The following GPR139 variants were observed in gnomAD, a reference collection of about 807,000 sequenced individuals.
The protein encoded by GPR139 is probable G protein-coupled receptor 139.
Under a neutral mutation model 25.8 loss-of-function variants are expected in GPR139, and 12 were observed. That is an observed-to-expected ratio of 0.47 (90% CI 0.30 to 0.75). GPR139 has a LOEUF of 0.75. Ranked by LOEUF, GPR139 falls within the 30% of genes least tolerant of loss-of-function variation. The probability of loss-of-function intolerance (pLI) is 0.07; values close to 1 mark genes in which losing one functional copy is unlikely to be tolerated. For synonymous variants in GPR139, 184 were observed against 179.9 expected (o/e 1.02, Z -0.18); for missense variants, 380 against 450.2 (o/e 0.84, Z 1.41).
At position 20,032,399 on chromosome 16, in the gene GPR139, G is replaced by C. The variant is rs759836680; in HGVS notation, c.398C>G (p.Pro133Arg). The change falls in exon 2 of 2, where the codon CCG becomes CGG. Residue 133 changes from proline (P) to arginine (R), a missense_variant. By Grantham distance (103) the Pro-to-Arg change is moderately radical. Transcript: ENST00000570682. ...TIDRYIAVCH[P>R]LKYHTVSYPA... is the part of the protein sequence containing the mutation. ...GTATGAGACCGTGTGGTACTTGAGC[G>C]GGTGGCAGACAGCGATATACCTGTC... 2 of 1,614,054 alleles carry C rather than the reference G, an allele frequency of 1.2e-6. No individual in the cohort carries two copies. Among genetic ancestry groups the C allele is most frequent in the Non-Finnish European group, 1.7e-6 (2 of 1,180,032 alleles).
intron 1 of GPR139, among the ~76,000 whole-genome samples, chr16:20,059,099 C>A (rs1308453494): frequency 6.6e-6 from 1 of 152,120 alleles, no homozygotes; most frequent in Non-Finnish European, 1.5e-5. Flanking sequence ...CTATTGGGTG[C>A]CAGGCCCTGT....
intron 1 of GPR139, among the ~76,000 whole-genome samples, chr16:20,047,772 G>T (rs577130652): frequency 6.6e-6 from 1 of 152,280 alleles, no homozygotes; most frequent in East Asian, 1.9e-4. Context: ...GAGCCAGATT[G>T]CTGGGTTTCA....
At position 20,031,427 on chromosome 16, in the gene GPR139, C is replaced by T. The variant is rs1381659918; in HGVS notation, c.*308G>A. ...GATGGTACCAGGGCGAAATCACAGA[C>T]TACTTCTCTACTTTGTGTCCTAACT... On this transcript the variant is annotated 3_prime_UTR_variant, in exon 2 of 2. Transcript: ENST00000570682. 1.1e-5 allele frequency: 4 copies of T among 362,182 alleles called. No individual in the cohort carries two copies. In the East Asian group the frequency reaches 2.2e-4, roughly 20 times the overall value. The allele number at this position is 362,182 out of a possible 1,614,324, so 22.4% of individuals were successfully genotyped here.
chr16:20,032,642 G>A lies in GPR139; in HGVS notation c.155C>T (p.Ser52Phe), dbSNP rs2057295150. 2 of 1,609,164 alleles carry A rather than the reference G, an allele frequency of 1.2e-6. No individual in the cohort carries two copies. The highest frequency in any genetic ancestry group is 1.7e-6 in the Non-Finnish European group (2 of 1,175,830). ...CTTCTGTCTTCTTGCCACCAGCTGG[G>A]AGAGGATGATCACTGTCAAGATATT... is the stretch of plus-strand genomic sequence containing the variant. Reference protein sequence around the residue: ...PANILTVIILSQLVARRQKSS... With the variant: ...PANILTVIILFQLVARRQKSS... Residue 52 changes from serine to phenylalanine, a missense_variant, in exon 2 of 2, where the codon TCC becomes TTC. Ser to Phe is a radical substitution (Grantham distance 155). Transcript: ENST00000570682.
chr16:20,055,090 C>T (rs552672380), intron 1 of GPR139, among the ~76,000 whole-genome samples: 1 of 152,010 alleles, frequency 6.6e-6, no homozygotes, highest in South Asian at 2.1e-4. Flanking sequence ...TTTCTGATCC[C>T]CTACCTCCTC....
At chr16:20,038,567 A>G (rs2057319500) in intron 1 of GPR139, among the ~76,000 whole-genome samples, 1 of 152,156 alleles carries the variant, frequency 6.6e-6, no homozygotes, top group Admixed American at 6.5e-5. Flanking sequence ...TTAAGTTTCT[A>G]GTGATTGCCT....
At chr16:20,041,137 AG>A (rs1756584053) in intron 1 of GPR139, among the ~76,000 whole-genome samples, 1 of 520 alleles carries the variant, frequency 1.9e-3, no homozygotes, top group Non-Finnish European at 5.1e-3. Context: ...AAAGGAGAGG[AG>A]AGGAGAGGAG....
intron 1 of GPR139, among the ~76,000 whole-genome samples, chr16:20,052,372 G>T (rs1000935443): frequency 2.7e-4 from 41 of 152,196 alleles, no homozygotes; most frequent in Non-Finnish European, 7.3e-5. Flanking sequence ...GCAGTTCTCT[G>T]CCCCACCTTA....
At chr16:20,038,283 C>T (rs183384797) in intron 1 of GPR139, among the ~76,000 whole-genome samples, 2 of 151,008 alleles carry the variant, frequency 1.3e-5, no homozygotes, top group Non-Finnish European at 3.0e-5. Flanking sequence ...TATATATATA[C>T]ACACACACAC....
rs2057470119 is a variant in GPR139 at position 20,073,795 on chromosome 16, C to T, written c.-179G>A. On this transcript the variant is annotated 5_prime_UTR_variant, in exon 1 of 2. Coordinates refer to ENST00000570682, the MANE Select transcript of GPR139 (RefSeq NM_001002911.4). This position sits in a 1 kb window ranked among gnomAD's most constrained non-coding sequence, Gnocchi z 4.7. ...CCTCTGCTCGCTCCGCACCTGCCCGCCTGGAGTCTTGGCTCAGCCCTCCCG... is the reference window on the plus strand; with the variant it reads ...CCTCTGCTCGCTCCGCACCTGCCCGTCTGGAGTCTTGGCTCAGCCCTCCCG... 1.3e-6 allele frequency: 1 copy of T among 786,012 alleles called. No individual in the cohort carries two copies. The highest frequency in any genetic ancestry group is 3.7e-5 in the Admixed American group (1 of 26,956). 48.7% of individuals were successfully genotyped at this position (786,012 alleles called of 1,614,324 possible).
chr16:20,071,510 T>C (rs2057459267), intron 1 of GPR139, among the ~76,000 whole-genome samples: 1 of 152,212 alleles, frequency 6.6e-6, no homozygotes, highest in Admixed American at 6.5e-5. Flanking sequence ...CAGTTAATAC[T>C]TAGCATACCA....
chr16:20,053,040 C>A (rs1177047567), intron 1 of GPR139, among the ~76,000 whole-genome samples: 1 of 152,024 alleles, frequency 6.6e-6, no homozygotes, highest in East Asian at 1.9e-4. Flanking sequence ...AAGCAATAGT[C>A]ATTGCAGCTC....
At chr16:20,052,317 ACCGTTT>A (rs1216078393) in intron 1 of GPR139, among the ~76,000 whole-genome samples, 2 of 152,176 alleles carry the variant, frequency 1.3e-5, no homozygotes, top group Admixed American at 1.3e-4. Context: ...CCTCTGCGAT[ACCGTTT>A]CCAAGACAGG....
At chr16:20,071,475 T>A (rs556237721) in intron 1 of GPR139, among the ~76,000 whole-genome samples, 1 of 152,358 alleles carries the variant, frequency 6.6e-6, no homozygotes, top group Non-Finnish European at 1.5e-5. Flanking sequence ...GACTGCATCC[T>A]AGGACTTTGT....
chr16:20,053,192 T>C (rs182027072), intron 1 of GPR139, among the ~76,000 whole-genome samples: 4 of 152,328 alleles, frequency 2.6e-5, no homozygotes, highest in East Asian at 3.9e-4. Flanking sequence ...AACGGATCAC[T>C]TGTTAGACTT....
At position 20,043,103 on chromosome 16, in the gene GPR139, C is replaced by G. The variant is rs1037531457; in HGVS notation, c.128-10434G>C. Among the ~76,000 whole-genome samples, 4 of 152,304 alleles carry G rather than the reference C, an allele frequency of 2.6e-5. No individual in the cohort carries two copies. The East Asian group carries it at 7.7e-4, about 29-fold the overall frequency. On this transcript the variant is annotated intron_variant, in intron 1 of 1. Coordinates refer to ENST00000570682, the MANE Select transcript of GPR139 (RefSeq NM_001002911.4). ...AGTCTCCTCCTTGCTGATGAGTAGG[C>G]AGCAAGAGATAAGATGGCTGCTATT...
At chr16:20,042,152 C>T (rs1310817671) in intron 1 of GPR139, among the ~76,000 whole-genome samples, 4 of 151,842 alleles carry the variant, frequency 2.6e-5, no homozygotes, top group Non-Finnish European at 5.9e-5. Context: ...AAATGGGCAT[C>T]GTAATAAATA....
intron 1 of GPR139, among the ~76,000 whole-genome samples, chr16:20,061,372 T>A (rs375661344): frequency 6.6e-6 from 1 of 151,784 alleles, no homozygotes; most frequent in East Asian, 1.9e-4. Context: ...GGTGGATGGA[T>A]GGATGGATAG....
chr16:20,038,246 AT>A (rs1449548787), intron 1 of GPR139, among the ~76,000 whole-genome samples: 1 of 151,936 alleles, frequency 6.6e-6, no homozygotes, highest in East Asian at 1.9e-4. Context: ...GGATGTATAA[AT>A]GGTGGGATGT....
Sources: gnomAD v4.1 joint callset for allele counts (sites outside exome capture counted in the v4.1 genomes callset) on GRCh38, gnomAD v4.1.1 for gene constraint, Gnocchi (gnomAD v3.1) non-coding constraint, MANE v1.5 for transcripts, NCBI Gene and HGNC (gene_info 2026-07-23, HGNC 2026-07-21) for gene names.